Variants in DUXA observed in about 807,000 individuals in gnomAD.
The protein encoded by DUXA is double homeobox protein A.
A neutral mutation model predicts 27.5 loss-of-function variants in DUXA; 25 were observed. The observed-to-expected ratio is 0.91, with a 90% confidence interval of 0.66 to 1.27. DUXA has a LOEUF of 1.27. Ranked by LOEUF, DUXA falls within the 50% of genes most tolerant of loss-of-function variation. DUXA has a pLI of 0.00. For missense variants in DUXA, 247 were observed against 242.9 expected (o/e 1.02, Z -0.11); for synonymous variants, 90 against 80.5 (o/e 1.12, Z -0.63).
Position 57,160,629 on chromosome 19 carries a change from GAACTTT to G in DUXA, c.180+8_180+13del. 1 of 1,611,338 alleles carries G rather than the reference GAACTTT, an allele frequency of 6.2e-7. No homozygotes were observed. The highest frequency in any genetic ancestry group is 8.5e-7 in the Non-Finnish European group (1 of 1,179,726). ...TTTTACTTCCAGTCCTGGAGATATT[GAACTTT>G]AACTTACCTGGATTCTGGACTCTTC... On this transcript the variant is annotated splice_region_variant and intron_variant, in intron 2 of 5. Coordinates refer to ENST00000554048, the MANE Select transcript of DUXA (RefSeq NM_001012729.2).
In DUXA at chr19:57,158,425, T is replaced by C. The variant is rs1221524277; in HGVS notation, c.341A>G (p.His114Arg). 4 of 1,613,848 alleles carry C rather than the reference T, an allele frequency of 2.5e-6. No individual in the cohort carries two copies. In the African/African-American group the frequency reaches 5.3e-5, roughly 22 times the overall value. Residue 114 changes from histidine to arginine, a missense_variant, in exon 4 of 6, where the codon CAC (histidine) becomes CGC (arginine). By Grantham distance (29) the His-to-Arg change is conservative. Transcript: ENST00000554048. ...TTTCATAAATGCCTTGATGAGAGTG[T>C]GTAACTGAGAGGCGCTGTAGGTGGT... ...CRTTYSASQL[H>R]TLIKAFMKNP...
Position 57,154,528 on chromosome 19 carries a change from A to G in DUXA, c.545-46T>C. ...AGGAAAGAATGTAAGAGATCAGCTT[A>G]TATTCACAAACATGGACGTCAGCCT... On this transcript the variant is annotated intron_variant, in intron 5 of 5. Transcript: ENST00000554048. 5 of 1,458,484 alleles carry G rather than the reference A, an allele frequency of 3.4e-6. No homozygotes were observed. In the South Asian group the frequency reaches 4.6e-5, roughly 13 times the overall value. 90.3% of individuals were successfully genotyped at this position (1,458,484 alleles called of 1,614,324 possible). A position where few individuals can be genotyped will look rare whatever the true frequency, so the allele number is the denominator to read the frequency against.
Position 57,154,418 on chromosome 19 carries a change from C to G in DUXA, c.609G>C (p.Thr203=), listed in dbSNP as rs749266994. ...ACACTGAATTTGACTGTGTTCACCACGTTCTGGCTCCAGAGAAATGAGAGT... is the reference window on the plus strand; with the variant it reads ...ACACTGAATTTGACTGTGTTCACCAGGTTCTGGCTCCAGAGAAATGAGAGT... ...TSDSHFSGAR[T]W is the part of the protein sequence containing the mutation. The change falls in exon 6 of 6, where the codon ACG becomes ACC. Residue 203 remains threonine (T), a synonymous_variant. Transcript: ENST00000554048. 3 of 1,613,494 alleles carry G rather than the reference C, an allele frequency of 1.9e-6. No homozygotes were observed. The South Asian group carries it at 3.3e-5, about 18-fold the overall frequency.
At chr19:57,164,794 T>A (rs1251726201) in intron 1 of DUXA, among the ~76,000 whole-genome samples, 1 of 152,160 alleles carries the variant, frequency 6.6e-6, no homozygotes, top group Non-Finnish European at 1.5e-5. Flanking sequence ...ATATGTCCCT[T>A]TGTGTTACAC....
chr19:57,165,321 AAAAATATATAT>A (rs1476422729), intron 1 of DUXA, among the ~76,000 whole-genome samples: 10 of 97,938 alleles, frequency 1.0e-4, no homozygotes, highest in South Asian at 3.4e-4. Flanking sequence ...AAAAAAAAAA[AAAAATATATAT>A]ATATATATAT....
chr19:57,167,346 C>T lies in DUXA; in HGVS notation c.25+73G>A, dbSNP rs1223991550. On this transcript the variant is annotated intron_variant, in intron 1 of 5. Coordinates refer to ENST00000554048, the MANE Select transcript of DUXA (RefSeq NM_001012729.2). ...AAAATGGAACTCTCACAACTTCTGA[C>T]AAGACCACTGGGTTTTTAGCCCTAC... 4 of 1,588,402 alleles carry T rather than the reference C, an allele frequency of 2.5e-6. No individual in the cohort carries two copies. The African/African-American group carries it at 5.4e-5, about 21-fold the overall frequency.
At chr19:57,163,941 G>A (rs182846359) in intron 1 of DUXA, among the ~76,000 whole-genome samples, 51 of 152,134 alleles carry the variant, frequency 3.4e-4, no homozygotes, top group Non-Finnish European at 5.0e-4. Flanking sequence ...TAGACTGGGC[G>A]TAGGTGGCTC....
At chr19:57,165,324 A>AAAAATATATATATATAT (rs1491567041) in intron 1 of DUXA, among the ~76,000 whole-genome samples, 12 of 89,264 alleles carry the variant, frequency 1.3e-4, no homozygotes, top group East Asian at 6.1e-4. Flanking sequence ...AAAAAAAAAA[A>AAAAATATATATATATAT]ATATATATAT....
intron 4 of DUXA, 75 bp downstream of exon 4, chr19:57,158,253 C>A: frequency 6.5e-7 from 1 of 1,547,392 alleles, no homozygotes; most frequent in Non-Finnish European, 8.9e-7. Flanking sequence ...GAGGAACTGC[C>A]TGAGGCCCAT....
intron 3 of DUXA, 93 bp downstream of exon 3, chr19:57,159,074 G>T: frequency 9.6e-7 from 1 of 1,043,690 alleles, no homozygotes; most frequent in Non-Finnish European, 1.4e-6. Flanking sequence ...TGAACAGGAG[G>T]TCATCAGGGA....
chr19:57,154,413 C>T lies in DUXA; in HGVS notation c.614G>A (p.Ter205=). The part of the protein sequence containing the change: ...DSHFSGARTW[*] ...CAAGTACACTGAATTTGACTGTGTT[C>T]ACCACGTTCTGGCTCCAGAGAAATG... The change falls in exon 6 of 6, where the codon TGA becomes TAA. Residue 205 remains the stop codon, a stop_retained_variant. Coordinates refer to ENST00000554048, the MANE Select transcript of DUXA (RefSeq NM_001012729.2). 6.2e-7 allele frequency: 1 copy of T among 1,613,318 alleles called. No individual in the cohort carries two copies. Among genetic ancestry groups the T allele is most frequent in the South Asian group, 1.1e-5 (1 of 91,044 alleles).
intron 1 of DUXA, among the ~76,000 whole-genome samples, chr19:57,162,788 C>G (rs1172939011): frequency 1.3e-5 from 2 of 152,124 alleles, no homozygotes; most frequent in African/African-American, 2.4e-5. Flanking sequence ...GTTGGCCAGA[C>G]TGGTCTCGAA....
chr19:57,165,303 G>C (rs1417116767), intron 1 of DUXA, among the ~76,000 whole-genome samples: 1 of 78,138 alleles, frequency 1.3e-5, no homozygotes, highest in African/African-American at 4.6e-5. Context: ...TACATTTCTG[G>C]AGTAGGAAAA....
intron 1 of DUXA, 86 bp from the exon 2 acceptor site, chr19:57,160,883 C>G (rs2087017609): frequency 6.7e-7 from 1 of 1,483,080 alleles, no homozygotes; most frequent in Non-Finnish European, 9.2e-7. Context: ...CTCACTTCCT[C>G]TTCCCAAATC....
intron 4 of DUXA, among the ~76,000 whole-genome samples, chr19:57,157,995 GAA>G (rs34517130): frequency 0.039 from 5,700 of 146,812 alleles, 355 homozygotes; most frequent in African/African-American, 0.13. Context: ...CCCCATCTCA[GAA>G]AAAAAAAAAA....
chr19:57,159,614 T>A (rs187157628), intron 2 of DUXA, among the ~76,000 whole-genome samples: 1 of 151,956 alleles, frequency 6.6e-6, no homozygotes, highest in East Asian at 2.0e-4. Flanking sequence ...GGTTTCTCCA[T>A]GTTGGTCAGG....
At chr19:57,166,826 G>A (rs11672517) in intron 1 of DUXA, among the ~76,000 whole-genome samples, 36,732 of 152,110 alleles carry the variant, frequency 0.24, 4,597 homozygotes, top group East Asian at 0.29. Context: ...GGAAAAAATG[G>A]AGTCAGGGGT....
intron 1 of DUXA, among the ~76,000 whole-genome samples, chr19:57,164,646 AT>A (rs35053858): frequency 0.25 from 37,722 of 152,032 alleles, 4,805 homozygotes; most frequent in Admixed American, 0.29. Flanking sequence ...GGAAACAAAA[AT>A]TTTTTTTAAG....
intron 3 of DUXA, 78 bp downstream of exon 3, chr19:57,159,089 A>C (rs1456790394): frequency 8.0e-7 from 1 of 1,244,948 alleles, no homozygotes; most frequent in Non-Finnish European, 1.1e-6. Flanking sequence ...CAGGGAGGAG[A>C]CATTCTTTTT....
Sources: allele counts gnomAD v4.1 joint callset (sites outside exome capture counted in the v4.1 genomes callset), GRCh38; gene constraint gnomAD v4.1.1; transcripts MANE v1.5; gene names NCBI Gene and HGNC (gene_info 2026-07-23, HGNC 2026-07-21).